ATP8B3: variants seen among roughly 807,000 people sequenced by gnomAD.
The protein encoded by ATP8B3 is phospholipid-transporting ATPase IK.
A neutral mutation model predicts 140.9 loss-of-function variants in ATP8B3; 141 were observed. That is an observed-to-expected ratio of 1.00 (90% CI 0.87 to 1.15). ATP8B3 has a LOEUF of 1.15. Ranked by LOEUF, ATP8B3 falls within the 50% of genes most tolerant of loss-of-function variation. The pLI is 0.00. For missense variants in ATP8B3, 1,874 were observed against 1,740.6 expected (o/e 1.08, Z -1.36); for synonymous variants, 765 against 714.6 (o/e 1.07, Z -1.13).
intron 18 of ATP8B3, 25 bp downstream of exon 18, chr19:1,795,824 CACACACACACACACACACACACATAA>C: frequency 8.0e-7 from 1 of 1,255,016 alleles, no homozygotes; most frequent in African/African-American, 1.5e-5. Context: ...CACACACACA[CACACACACACACACACACACACATAA>C]GCCAGCCTTC....
chr19:1,806,378 T>G lies in ATP8B3; in HGVS notation c.678-209A>C. ...TGACCTCCAGGGTCCTGCACCCACGTCCTCTTCAGACTTTCCTTGTCCTCC... is the reference window on the plus strand; with the variant it reads ...TGACCTCCAGGGTCCTGCACCCACGGCCTCTTCAGACTTTCCTTGTCCTCC... On this transcript the variant is annotated intron_variant, in intron 7 of 28. Coordinates refer to ENST00000310127, the MANE Select transcript of ATP8B3 (RefSeq NM_138813.4). This position sits in a 1 kb window ranked among gnomAD's most constrained non-coding sequence, Gnocchi z 5.6. 13 of 1,444,906 alleles carry G rather than the reference T, an allele frequency of 9.0e-6. No homozygotes were observed. Among genetic ancestry groups the G allele is most frequent in the Non-Finnish European group, 1.2e-5 (13 of 1,105,910 alleles). 89.5% of individuals were successfully genotyped at this position (1,444,906 alleles called of 1,614,324 possible).
rs1391071445 is a variant in ATP8B3, at chr19:1,811,769, A to G, written c.-33T>C. 1 of 1,553,746 alleles carries G rather than the reference A, an allele frequency of 6.4e-7. No homozygotes were observed. Among genetic ancestry groups the G allele is most frequent in the African/African-American group, 1.3e-5 (1 of 74,082 alleles). On this transcript the variant is annotated 5_prime_UTR_variant, in exon 2 of 29. Coordinates refer to ENST00000310127, the MANE Select transcript of ATP8B3 (RefSeq NM_138813.4). The stretch of plus-strand genomic sequence containing the variant: ...ATGAGGAAAAGGGAGGTTCAGGGCG[A>G]AGAGGGGTTTAGGCTGTGGGACGGG...
chr19:1,796,406 G>C, intron 16 of ATP8B3, 141 bp from the exon 17 acceptor site: 1 of 856,980 alleles, frequency 1.2e-6, no homozygotes, highest in Non-Finnish European at 1.8e-6. Flanking sequence ...CCCAATGCAT[G>C]GAGGTGAGCA....
intron 5 of ATP8B3, 43 bp downstream of exon 5, chr19:1,808,179 A>C (rs906553631): frequency 6.8e-7 from 1 of 1,472,492 alleles, no homozygotes; most frequent in Non-Finnish European, 9.4e-7. Flanking sequence ...CGATGCTGCC[A>C]GGTGGCTAGG....
At position 1,792,052 on chromosome 19, in the gene ATP8B3, G is replaced by A. The variant is rs773439947; in HGVS notation, c.2139C>T (p.Arg713=). Residue 713 remains arginine (R), a synonymous_variant, in exon 19 of 29, where the codon CGC becomes CGT. Coordinates refer to ENST00000310127, the MANE Select transcript of ATP8B3 (RefSeq NM_138813.4). ...AEDIYEDWQQ[R]HQEASLLLQN... Reference sequence around the variant, plus strand: ...GCAGCAGGAGGCTGGCCTCCTGGTGGCGCTGCTGCCAGTCCTCGTAAATGT... The same window carrying A: ...GCAGCAGGAGGCTGGCCTCCTGGTGACGCTGCTGCCAGTCCTCGTAAATGT... 8 of 1,557,932 alleles carry A rather than the reference G, an allele frequency of 5.1e-6. No homozygotes were observed. The highest frequency in any genetic ancestry group is 4.3e-6 in the Non-Finnish European group (5 of 1,152,044).
rs761270925 is a variant in ATP8B3, at chr19:1,796,824, G to T, written c.1640C>A (p.Ala547Glu). The change falls in exon 16 of 29, where the codon GCG becomes GAG. Residue 547 changes from alanine (A) to glutamate (E), a missense_variant. By Grantham distance (107) the Ala-to-Glu change is moderately radical (BLOSUM62 -1). Around this residue, in one of 3 missense-constraint regions of ATP8B3, gnomAD observed 1,032 missense variants for 963.6 expected, o/e 1.07. Coordinates refer to ENST00000310127, the MANE Select transcript of ATP8B3 (RefSeq NM_138813.4). ...FADGKLLFHN[A>E]ALLHLVRTNG... ...GGTCCGCACGAGGTGCAGCAGGGCC[G>T]CATTGTGGAAGAGCAGCTTCCCGTC... is the stretch of plus-strand genomic sequence containing the variant. 7 of 1,612,496 alleles carry T rather than the reference G, an allele frequency of 4.3e-6. No individual in the cohort carries two copies. In the Admixed American group the frequency reaches 5.0e-5, roughly 12 times the overall value.
chr19:1,811,870 C>T lies in ATP8B3; in HGVS notation c.-134G>A, dbSNP rs1433584255. The T allele has an allele frequency of 1.0e-6, 1 of 1,004,356 alleles. No individual in the cohort carries two copies. Among genetic ancestry groups the T allele is most frequent in the Non-Finnish European group, 1.4e-6 (1 of 710,654 alleles). 62.2% of individuals were successfully genotyped at this position (1,004,356 alleles called of 1,614,324 possible). A position where few individuals can be genotyped will look rare whatever the true frequency, so the allele number is the denominator to read the frequency against. The stretch of plus-strand genomic sequence containing the variant: ...GAGAGAATGCTCAAATGGCCAGAAT[C>T]CACTCGAAGTGTATCTGGGGGCAGA... On this transcript the variant is annotated 5_prime_UTR_variant, in exon 2 of 29. Transcript: ENST00000310127.
At chr19:1,795,447 A>G (rs2068634687) in intron 18 of ATP8B3, among the ~76,000 whole-genome samples, 1 of 152,012 alleles carries the variant, frequency 6.6e-6, no homozygotes, top group Non-Finnish European at 1.5e-5. Flanking sequence ...GCTCCTCGGG[A>G]GGCTGAGGCA....
chr19:1,797,120 C>T, intron 14 of ATP8B3, 115 bp from the exon 15 acceptor site: 3 of 1,506,910 alleles, frequency 2.0e-6, no homozygotes, highest in East Asian at 4.8e-5. Context: ...CCACACAAGC[C>T]AGGCCTGTGG....
chr19:1,800,308 T>C lies in ATP8B3; in HGVS notation c.1294A>G (p.Ser432Gly). ...VAAESFFVFWSFLILLSVTIP... is the reference protein window; with the variant it reads ...VAAESFFVFWGFLILLSVTIP... ...GTGACGCTGAGCAGGATGAGGAAGC[T>C]CCAGAAGACGAAGAAGGACTCTGCG... Residue 432 changes from serine (S) to glycine (G), a missense_variant, in exon 13 of 29, where the codon AGC (serine) becomes GGC (glycine). Physicochemically the swap from Ser to Gly is moderately conservative, Grantham distance 56. Transcript: ENST00000310127. The surrounding 1 kb of genome is among the most constrained non-coding windows in gnomAD (Gnocchi z 4.4). 1 of 1,612,494 alleles carries C rather than the reference T, an allele frequency of 6.2e-7. No homozygotes were observed. Among genetic ancestry groups the C allele is most frequent in the Non-Finnish European group, 8.5e-7 (1 of 1,179,752 alleles).
intron 1 of ATP8B3, 73 bp from the exon 2 acceptor site, chr19:1,811,957 G>A (rs1487833645): frequency 3.5e-6 from 2 of 572,002 alleles, no homozygotes; most frequent in Non-Finnish European, 6.0e-6. Context: ...CCCATTACTC[G>A]GAAGCCCCCC....
rs376979893 is a variant in ATP8B3, at chr19:1,792,069, C to G, written c.2122G>C (p.Glu708Gln). The G allele has an allele frequency of 1.9e-6, 3 of 1,565,418 alleles. No individual in the cohort carries two copies. The highest frequency in any genetic ancestry group is 3.8e-5 in the Admixed American group (2 of 53,290). ...AYREVAEDIY[E>Q]DWQQRHQEAS... ...TCCTGGTGGCGCTGCTGCCAGTCCT[C>G]GTAAATGTCCTCAGCCACCTCCCTG... is the stretch of plus-strand genomic sequence containing the variant. The change falls in exon 19 of 29, where the codon GAG becomes CAG. Residue 708 changes from glutamate (E) to glutamine (Q), a missense_variant. By Grantham distance (29) the Glu-to-Gln change is conservative. Transcript: ENST00000310127.
chr19:1,809,438 G>T (rs2069123422), intron 4 of ATP8B3, among the ~76,000 whole-genome samples: 1 of 151,074 alleles, frequency 6.6e-6, no homozygotes, highest in Admixed American at 6.6e-5. Context: ...CCGAGATGTC[G>T]CCACTGCACT....
rs142249158 is a variant in ATP8B3, at chr19:1,784,757, G to A, written c.3660+62C>T. On this transcript the variant is annotated intron_variant, in intron 28 of 28. Coordinates refer to ENST00000310127, the MANE Select transcript of ATP8B3 (RefSeq NM_138813.4). Reference sequence around the variant, plus strand: ...ACCTTGCAGTCCCTACGCCCTGCACGGCTCCCCAACCAGGGTCCTGGAATG... The same window carrying A: ...ACCTTGCAGTCCCTACGCCCTGCACAGCTCCCCAACCAGGGTCCTGGAATG... 2.3e-5 allele frequency: 35 copies of A among 1,519,180 alleles called. No individual in the cohort carries two copies. In the East Asian group the frequency reaches 3.2e-4, roughly 14 times the overall value. 94.1% of individuals were successfully genotyped at this position (1,519,180 alleles called of 1,614,324 possible).
intron 14 of ATP8B3, 200 bp downstream of exon 14, chr19:1,799,747 A>G (rs1186548448): frequency 3.3e-6 from 2 of 607,306 alleles, no homozygotes; most frequent in East Asian, 2.8e-5. Context: ...CTGGGTAGAC[A>G]GAGTGAGACT....
Position 1,800,220 on chromosome 19 carries a change from T to C in ATP8B3, c.1343+39A>G. ...GTGTGCCATCCCCATGCCTCCCCGT[T>C]CCGCGTTTGCACCGGGGACGCAGCC... On this transcript the variant is annotated intron_variant, in intron 13 of 28. Coordinates refer to ENST00000310127, the MANE Select transcript of ATP8B3 (RefSeq NM_138813.4). This position sits in a 1 kb window ranked among gnomAD's most constrained non-coding sequence, Gnocchi z 4.4. The C allele has an allele frequency of 6.2e-7, 1 of 1,602,426 alleles. No homozygotes were observed. The highest frequency in any genetic ancestry group is 2.2e-5 in the East Asian group (1 of 44,738).
intron 14 of ATP8B3, among the ~76,000 whole-genome samples, chr19:1,798,419 GA>G (rs879943164): frequency 2.0e-5 from 3 of 151,662 alleles, no homozygotes; most frequent in Non-Finnish European, 4.4e-5. Context: ...TAATGGTCAG[GA>G]AAAAAAATGA....
chr19:1,787,199 A>G lies in ATP8B3; in HGVS notation c.3070-13T>C. 1 of 1,598,780 alleles carries G rather than the reference A, an allele frequency of 6.3e-7. No individual in the cohort carries two copies. Among genetic ancestry groups the G allele is most frequent in the Non-Finnish European group, 8.5e-7 (1 of 1,170,824 alleles). On this transcript the variant is annotated splice_polypyrimidine_tract_variant and intron_variant, in intron 24 of 28. Coordinates refer to ENST00000310127, the MANE Select transcript of ATP8B3 (RefSeq NM_138813.4). ...CTTCATACAGGGGCTGAGCCGGGGG[A>G]GAAGGGCAAGGAGAACAAGTCAGCC...
At position 1,782,572 on chromosome 19, in the gene ATP8B3, C is replaced by T. The variant is rs909355021; in HGVS notation, c.*456G>A. ...GCTCCTTTTGCCAGCTCTTCCGGAA[C>T]GGTGTGGAGGGCTTCAAAAATGCTG... On this transcript the variant is annotated 3_prime_UTR_variant, in exon 29 of 29. Transcript: ENST00000310127. 14 of 201,624 alleles carry T rather than the reference C, an allele frequency of 6.9e-5. No homozygotes were observed. The highest frequency in any genetic ancestry group is 2.0e-3 in the Middle Eastern group (1 of 496). The allele number at this position is 201,624 out of a possible 1,614,324, so 12.5% of individuals were successfully genotyped here.
Sources: gnomAD v4.1 joint callset for allele counts (sites outside exome capture counted in the v4.1 genomes callset) on GRCh38, gnomAD v4.1.1 for gene constraint, gnomAD v4.1.1 regional missense constraint, Gnocchi (gnomAD v3.1) non-coding constraint, MANE v1.5 for transcripts, NCBI Gene and HGNC (gene_info 2026-07-23, HGNC 2026-07-21) for gene names.